The following IFT140 variants were observed in gnomAD, a reference collection of about 807,000 sequenced individuals.
The protein encoded by IFT140 is intraflagellar transport protein 140 homolog.
IFT140 carries 133 observed loss-of-function variants against 164.6 expected under a neutral mutation model. That is an observed-to-expected ratio of 0.81 (90% CI 0.70 to 0.93). The LOEUF (loss-of-function observed/expected upper bound fraction) is 0.93. Ranked by LOEUF, IFT140 falls within the 40% of genes least tolerant of loss-of-function variation. IFT140 has a pLI of 0.00. For synonymous variants in IFT140, 860 were observed against 817.3 expected (o/e 1.05, Z -0.89); for missense variants, 2,045 against 1,972.3 (o/e 1.04, Z -0.70).
chr16:1,512,949 G>A (rs1442304323), intron 30 of IFT140: 3 of 152,244 alleles, frequency 2.0e-5, no homozygotes, highest in South Asian at 2.1e-4. Context: ...TGACCTTTCA[G>A]CCCTGAGGGA....
intron 19 of IFT140, among the ~76,000 whole-genome samples, chr16:1,546,515 G>A (rs111958092): frequency 0.022 from 3,370 of 152,284 alleles, 123 homozygotes; most frequent in African/African-American, 0.075. Context: ...AGCAATGCTC[G>A]CAGCTGTTAT....
intron 19 of IFT140, among the ~76,000 whole-genome samples, chr16:1,529,515 T>C (rs2030212111): frequency 6.6e-6 from 1 of 152,190 alleles, no homozygotes; most frequent in Non-Finnish European, 1.5e-5. Context: ...AGCGTCCTGA[T>C]CTCCGATTCG....
At chr16:1,610,240 C>T (rs1325414671) in intron 2 of IFT140, 1 of 155,048 alleles carries the variant, frequency 6.4e-6, no homozygotes, top group East Asian at 1.9e-4. Context: ...GCGGACGGTA[C>T]TGAGAAGCCA....
chr16:1,516,769 C>CAAA (rs777538656), intron 30 of IFT140, among the ~76,000 whole-genome samples: 10 of 53,184 alleles, frequency 1.9e-4, no homozygotes, highest in East Asian at 6.0e-4. Flanking sequence ...CACTCTGTCT[C>CAAA]AAAAAAAAAA....
At chr16:1,602,319 G>A (rs1299722630) in intron 4 of IFT140, 51 bp downstream of exon 4, 1 of 1,492,956 alleles carries the variant, frequency 6.7e-7, no homozygotes, top group South Asian at 1.1e-5. Context: ...TCTCGAGCAT[G>A]GTCAGAAAGG....
Position 1,553,899 on chromosome 16 carries a change from T to A in IFT140, c.2399+4036A>T. ...AGTCACGAAACCCTGATTTTCCTGT[T>A]GTAAGAACTAAAAAGGTCTTTGGAG... On this transcript the variant is annotated intron_variant, in intron 19 of 30. Transcript: ENST00000426508. The surrounding 1 kb of genome is among the most constrained non-coding windows in gnomAD (Gnocchi z 4.4). 7.9e-7 allele frequency: 1 copy of A among 1,271,472 alleles called. No homozygotes were observed. Among genetic ancestry groups the A allele is most frequent in the Non-Finnish European group, 1.0e-6 (1 of 978,406 alleles). 78.8% of individuals were successfully genotyped at this position (1,271,472 alleles called of 1,614,324 possible).
intron 19 of IFT140, 34 bp downstream of exon 19, chr16:1,557,901 T>C (rs377104541): frequency 1.2e-6 from 2 of 1,602,834 alleles, no homozygotes; most frequent in African/African-American, 2.7e-5. Flanking sequence ...GAGCACGCGC[T>C]ATCTCCCAAC....
At chr16:1,536,547 G>A (rs1372896282) in intron 19 of IFT140, among the ~76,000 whole-genome samples, 1 of 152,224 alleles carries the variant, frequency 6.6e-6, no homozygotes, top group African/African-American at 2.4e-5. Context: ...AAGCGTCACG[G>A]AAGCTCCTTG....
intron 26 of IFT140, among the ~76,000 whole-genome samples, chr16:1,521,822 A>T (rs1312371500): frequency 6.6e-6 from 1 of 150,758 alleles, no homozygotes; most frequent in Admixed American, 6.6e-5. Context: ...GGAGTTTGAG[A>T]CCAGCCTGGG....
intron 19 of IFT140, among the ~76,000 whole-genome samples, chr16:1,552,648 CTTTTTTTT>C (rs11409894): frequency 7.8e-6 from 1 of 127,586 alleles, no homozygotes; most frequent in Non-Finnish European, 1.6e-5. Context: ...AAAGAGAATG[CTTTTTTTT>C]TTTTTTTTTT....
rs546701582 is a variant in IFT140 at position 1,553,342 on chromosome 16, C to T, written c.2399+4593G>A. On this transcript the variant is annotated intron_variant, in intron 19 of 30. Coordinates refer to ENST00000426508, the MANE Select transcript of IFT140 (RefSeq NM_014714.4). This position sits in a 1 kb window ranked among gnomAD's most constrained non-coding sequence, Gnocchi z 4.4. ...TGTCTCTGTCCCTGTGTCTCTTTTT[C>T]TCCCATCCTCTCTCGATGCTGGGGC... 1.0e-6 allele frequency: 1 copy of T among 985,406 alleles called. No homozygotes were observed. Among genetic ancestry groups the T allele is most frequent in the Admixed American group, 6.1e-5 (1 of 16,284 alleles). The allele number at this position is 985,406 out of a possible 1,614,324, so 61.0% of individuals were successfully genotyped here.
intron 23 of IFT140, 37 bp from the exon 24 acceptor site, chr16:1,524,732 G>C (rs2040625213): frequency 6.3e-7 from 1 of 1,583,144 alleles, no homozygotes; most frequent in East Asian, 2.3e-5. Flanking sequence ...AGACACGGTG[G>C]CCTTGTGTCT....
rs1402381043 is a variant in IFT140, at chr16:1,553,437, C to A, written c.2399+4498G>T. 3.0e-6 allele frequency: 3 copies of A among 985,284 alleles called. No homozygotes were observed. The highest frequency in any genetic ancestry group is 1.2e-4 in the Admixed American group (2 of 16,264). The allele number at this position is 985,284 out of a possible 1,614,324, so 61.0% of individuals were successfully genotyped here. A position where few individuals can be genotyped will look rare whatever the true frequency, so the allele number is the denominator to read the frequency against. ...AGGCGGTTGGGAGTGGAGAGACCGG[C>A]ATGAACAGACGCACAGGTGTCAACA... On this transcript the variant is annotated intron_variant, in intron 19 of 30. Transcript: ENST00000426508. This position sits in a 1 kb window ranked among gnomAD's most constrained non-coding sequence, Gnocchi z 4.4.
intron 6 of IFT140, among the ~76,000 whole-genome samples, chr16:1,590,589 C>T (rs1381228481): frequency 6.6e-6 from 1 of 152,158 alleles, no homozygotes; most frequent in Non-Finnish European, 1.5e-5. Flanking sequence ...GAATCCCCCT[C>T]TTCCTGCCCT....
intron 4 of IFT140, among the ~76,000 whole-genome samples, chr16:1,601,667 C>T (rs1057042989): frequency 6.6e-6 from 1 of 152,202 alleles, no homozygotes; most frequent in South Asian, 2.1e-4. Flanking sequence ...AATTTCAAAT[C>T]TCAAGTGAGA....
chr16:1,538,606 G>GTGA lies in IFT140; in HGVS notation c.2400-11813_2400-11811dup, dbSNP rs535643288. Among the ~76,000 whole-genome samples, 9 of 152,344 alleles carry GTGA rather than the reference G, an allele frequency of 5.9e-5. No homozygotes were observed. The South Asian group carries it at 1.9e-3, about 32-fold the overall frequency. ...TCCTCTCTCGAACATGACCTTCTGC[G>GTGA]TGATGTTTTAATGCCTCCCTCATTT... is the stretch of plus-strand genomic sequence containing the variant. On this transcript the variant is annotated intron_variant, in intron 19 of 30. Coordinates refer to ENST00000426508, the MANE Select transcript of IFT140 (RefSeq NM_014714.4).
chr16:1,601,197 G>T (rs1438968403), intron 4 of IFT140, among the ~76,000 whole-genome samples: 2 of 151,436 alleles, frequency 1.3e-5, no homozygotes, highest in Non-Finnish European at 2.9e-5. Flanking sequence ...TCAGGATGTA[G>T]AGGTTGCAGT....
chr16:1,571,271 G>C (rs1010778021), intron 14 of IFT140, 136 bp downstream of exon 14: 1 of 780,050 alleles, frequency 1.3e-6, no homozygotes, highest in Non-Finnish European at 2.0e-6. Flanking sequence ...TGAGGCATTC[G>C]AGAGCACAAG....
chr16:1,610,477 G>T (rs1416550351), intron 2 of IFT140, 187 bp downstream of exon 2: 1 of 154,298 alleles, frequency 6.5e-6, no homozygotes, highest in Admixed American at 6.5e-5. Context: ...CGAGCGACCT[G>T]GACCCCGCGC....
Sources: gnomAD v4.1 joint callset for allele counts (sites outside exome capture counted in the v4.1 genomes callset) on GRCh38, gnomAD v4.1.1 for gene constraint, Gnocchi (gnomAD v3.1) non-coding constraint, MANE v1.5 for transcripts, NCBI Gene and HGNC (gene_info 2026-07-23, HGNC 2026-07-21) for gene names.